VGLL4: variants seen among roughly 807,000 people sequenced by gnomAD.
VGLL4 encodes vestigial like family member 4, also known as transcription cofactor vestigial-like protein 4.
In VGLL4, 7 loss-of-function variants were observed where a neutral mutation model predicts 21.0. The observed-to-expected ratio is 0.33, with a 90% CI of 0.19 to 0.63. VGLL4 has a LOEUF of 0.63. Among genes scored for constraint, VGLL4 ranks in the 20% least tolerant of loss-of-function variants. The pLI, the probability that VGLL4 is intolerant of heterozygous loss-of-function variation, is 0.78. For synonymous variants in VGLL4, 222 were observed against 173.2 expected (o/e 1.28, Z -2.21); for missense variants, 394 against 425.7 (o/e 0.93, Z 0.66).
chr3:11,564,384 C>T (rs1424039956), intron 3 of VGLL4, among the ~76,000 whole-genome samples: 1 of 139,978 alleles, frequency 7.1e-6, no homozygotes, highest in East Asian at 2.2e-4. Flanking sequence ...TCCGCGTGAC[C>T]GTCTAAAGGA....
chr3:11,666,426 C>T (rs982403166), intron 2 of VGLL4, among the ~76,000 whole-genome samples: 3 of 152,034 alleles, frequency 2.0e-5, no homozygotes. Context: ...AATCTGAGTT[C>T]CCATTTTAAA....
intron 1 of VGLL4, chr3:11,710,651 C>T (rs2076829897): frequency 1.3e-5 from 2 of 152,196 alleles, no homozygotes; most frequent in African/African-American, 4.8e-5. Context: ...TTCCTGTTGG[C>T]CCTGTTCCTT....
rs1290131941 is a variant in VGLL4, at chr3:11,573,798, T to C, written c.273-8779A>G. Among the ~76,000 whole-genome samples the C allele has an allele frequency of 7.2e-5, 11 of 152,222 alleles. 1 individual carries two copies. The highest frequency in any genetic ancestry group is 3.8e-4 in the East Asian group (2 of 5,200). Reference sequence around the variant, plus strand: ...TGAACTGTGTCCCCCTGAAAAGACATTGAAGTCCTAACCCCCTAGGTTCTC... The same window carrying C: ...TGAACTGTGTCCCCCTGAAAAGACACTGAAGTCCTAACCCCCTAGGTTCTC... On this transcript the variant is annotated intron_variant, in intron 2 of 4. Coordinates refer to ENST00000430365, the MANE Select transcript of VGLL4 (RefSeq NM_001128219.3).
At chr3:11,672,957 C>A (rs2076238251) in intron 2 of VGLL4, among the ~76,000 whole-genome samples, 1 of 152,126 alleles carries the variant, frequency 6.6e-6, no homozygotes, top group South Asian at 2.1e-4. Context: ...CAATTCAAAC[C>A]CAGCTTCCAG....
chr3:11,631,687 A>C (rs1465496321), intron 1 of VGLL4, among the ~76,000 whole-genome samples: 1 of 152,220 alleles, frequency 6.6e-6, no homozygotes, highest in African/African-American at 2.4e-5. Context: ...GAAACACTTA[A>C]AATTCTAACT....
chr3:11,591,913 G>A (rs971539502), intron 2 of VGLL4, among the ~76,000 whole-genome samples: 5 of 152,218 alleles, frequency 3.3e-5, no homozygotes, highest in African/African-American at 1.2e-4. Context: ...TAAAAATCCC[G>A]ATGTAACAAC....
At chr3:11,655,747 G>A (rs531916009) in intron 2 of VGLL4, among the ~76,000 whole-genome samples, 2 of 152,302 alleles carry the variant, frequency 1.3e-5, no homozygotes, top group South Asian at 4.1e-4. Flanking sequence ...TCCGGCTGGT[G>A]GCGGGGGGTT....
chr3:11,615,672 ATTTTT>A (rs996758002), intron 1 of VGLL4, among the ~76,000 whole-genome samples: 18 of 152,188 alleles, frequency 1.2e-4, no homozygotes, highest in South Asian at 2.1e-4. Flanking sequence ...TTTTTCTATT[ATTTTT>A]ATTTCCCATA....
In VGLL4 at chr3:11,649,895, A is replaced by ATTTGGTTTGGTTTGGTTTGG. The variant is rs139823468; in HGVS notation, c.65-47893_65-47874dup. Among the ~76,000 whole-genome samples, 46 of 144,626 alleles carry ATTTGGTTTGGTTTGGTTTGG rather than the reference A, an allele frequency of 3.2e-4. No homozygotes were observed. In the South Asian group the frequency reaches 7.8e-3, roughly 24 times the overall value. 94.9% of individuals were successfully genotyped at this position (144,626 alleles called of 152,430 possible). On this transcript the variant is annotated intron_variant, in intron 2 of 5. Transcript: ENST00000273038. ...CTCCCCCACAGCACACAAGTGCTCT[A>ATTTGGTTTGGTTTGGTTTGG]TTTGGTTTGGTTTGGTTTGGTTTGG...
At chr3:11,676,928 A>T (rs767154038) in intron 2 of VGLL4, among the ~76,000 whole-genome samples, 65 of 152,200 alleles carry the variant, frequency 4.3e-4, no homozygotes, top group Non-Finnish European at 7.5e-4. Flanking sequence ...TATTCATTAA[A>T]TTTTTTTGAT....
At chr3:11,646,593 T>C (rs1416758704), upstream of VGLL4, among the ~76,000 whole-genome samples, 1 of 152,234 alleles carries the variant, frequency 6.6e-6, no homozygotes, top group Non-Finnish European at 1.5e-5. Flanking sequence ...TATTTCATTT[T>C]ATTCACTTAT....
intron 2 of VGLL4, among the ~76,000 whole-genome samples, chr3:11,600,463 A>G (rs2074767177): frequency 6.6e-6 from 1 of 152,170 alleles, no homozygotes; most frequent in South Asian, 2.1e-4. Flanking sequence ...AATGAACTGC[A>G]AGAGCTGAGC....
chr3:11,648,568 T>G (rs1048246543), upstream of VGLL4, among the ~76,000 whole-genome samples: 2 of 152,234 alleles, frequency 1.3e-5, no homozygotes, highest in Non-Finnish European at 2.9e-5. Context: ...GATTTTATGC[T>G]TTTATACATC....
At chr3:11,644,858 A>G (rs187819192), upstream of VGLL4, among the ~76,000 whole-genome samples, 8 of 151,592 alleles carry the variant, frequency 5.3e-5, no homozygotes, top group East Asian at 7.7e-4. Context: ...AAAAAAAAAA[A>G]AAAAAGAAAA....
At chr3:11,671,509 C>T (rs1380611057) in intron 2 of VGLL4, 19 of 633,246 alleles carry the variant, frequency 3.0e-5, no homozygotes, top group East Asian at 1.9e-4. Flanking sequence ...ACTCAAGTTT[C>T]GCAGTCTGCC....
intron 2 of VGLL4, among the ~76,000 whole-genome samples, chr3:11,583,840 C>T (rs2074298552): frequency 6.6e-6 from 1 of 152,338 alleles, no homozygotes; most frequent in South Asian, 2.1e-4. Context: ...CCCAAGCATA[C>T]TCATATCTCC....
intron 1 of VGLL4, among the ~76,000 whole-genome samples, chr3:11,709,239 G>A (rs1035695293): frequency 5.3e-5 from 8 of 151,126 alleles, no homozygotes; most frequent in Admixed American, 1.3e-4. Context: ...AGTTCAAGAC[G>A]AGCCTGGCCA....
At chr3:11,646,795 T>C (rs1230322215), upstream of VGLL4, among the ~76,000 whole-genome samples, 1 of 152,094 alleles carries the variant, frequency 6.6e-6, no homozygotes, top group East Asian at 1.9e-4. Context: ...TATTGTAACA[T>C]TCCCAGCCAC....
At chr3:11,582,796 A>G (rs941320392) in intron 2 of VGLL4, among the ~76,000 whole-genome samples, 8 of 152,144 alleles carry the variant, frequency 5.3e-5, no homozygotes, top group African/African-American at 1.9e-4. Context: ...AATGCCAGAA[A>G]TCCCCTATTC....
Sources: allele counts gnomAD v4.1 joint callset (sites outside exome capture counted in the v4.1 genomes callset), GRCh38; gene constraint gnomAD v4.1.1; transcripts MANE v1.5; gene names NCBI Gene and HGNC (gene_info 2026-07-23, HGNC 2026-07-21).